IQCK: variants seen among roughly 807,000 people sequenced by gnomAD.
The protein encoded by IQCK is IQ domain-containing protein K.
Under a neutral mutation model 28.1 loss-of-function variants are expected in IQCK, and 29 were observed. That is an observed-to-expected ratio of 1.03 (90% CI 0.77 to 1.41). IQCK has a LOEUF of 1.41. Among genes scored for constraint, IQCK ranks in the 40% most tolerant of loss-of-function variants. The probability of loss-of-function intolerance (pLI) is 0.00; values close to 1 mark genes in which losing one functional copy is unlikely to be tolerated. For missense variants in IQCK, 359 were observed against 314.7 expected (o/e 1.14, Z -1.07); for synonymous variants, 113 against 115.1 (o/e 0.98, Z 0.12).
rs1394381941 is a variant in IQCK at position 19,718,402 on chromosome 16, GTC to G, written c.101_102del (p.Leu34ArgfsTer29). 2 of 1,605,692 alleles carry G rather than the reference GTC, an allele frequency of 1.2e-6. No individual in the cohort carries two copies. Among genetic ancestry groups the G allele is most frequent in the African/African-American group, 2.7e-5 (2 of 74,892 alleles). On this transcript the variant is annotated frameshift_variant, in exon 1 of 8. Transcript: ENST00000564186. LOFTEE classifies it high-confidence loss of function. ...TCACCCGGACGCCGGTGCCCACCGT[GTC>G]TCTCGCGTCCCGCGAGCTGCCTGTC...
At chr16:19,837,967 C>T (rs762280678) in intron 9 of IQCK, among the ~76,000 whole-genome samples, 23 of 151,812 alleles carry the variant, frequency 1.5e-4, no homozygotes, top group African/African-American at 1.7e-4. Flanking sequence ...AGTTCCTGTT[C>T]GACTGTGCAA....
chr16:19,793,643 G>GTTTTTTTTTTT (rs1285541664), intron 7 of IQCK, among the ~76,000 whole-genome samples: 6 of 61,806 alleles, frequency 9.7e-5, no homozygotes, highest in African/African-American at 1.6e-4. Flanking sequence ...TCTCAGTTGG[G>GTTTTTTTTTTT]TTTTTTTTTT....
intron 3 of IQCK, 79 bp from the exon 4 acceptor site, chr16:19,735,274 G>A (rs960747531): frequency 3.1e-6 from 3 of 969,450 alleles, no homozygotes; most frequent in Non-Finnish European, 5.0e-6. Flanking sequence ...CCTTTTTCTG[G>A]CTCAAAAGTA....
intron 4 of IQCK, among the ~76,000 whole-genome samples, chr16:19,740,519 C>T (rs1246924383): frequency 2.0e-5 from 3 of 152,138 alleles, no homozygotes; most frequent in Admixed American, 1.3e-4. Context: ...GAGCACCTCA[C>T]GAGTCACATT....
At chr16:19,774,397 A>ATTT (rs2055361460) in intron 6 of IQCK, among the ~76,000 whole-genome samples, 5 of 120,526 alleles carry the variant, frequency 4.1e-5, no homozygotes, top group Middle Eastern at 4.7e-3. Flanking sequence ...TTTAGCTAAT[A>ATTT]CTTTTTTTTT....
chr16:19,747,466 A>C (rs1215804560), intron 4 of IQCK, among the ~76,000 whole-genome samples: 1 of 151,820 alleles, frequency 6.6e-6, no homozygotes, highest in African/African-American at 2.4e-5. Flanking sequence ...GCCAGCCCAG[A>C]TCCGAAGAGT....
At position 19,837,386 on chromosome 16, in the gene IQCK, A is replaced by AAAAGAC. The variant is rs1252949097; in HGVS notation, c.802+10249_802+10250insAAAGAC. On this transcript the variant is annotated intron_variant, in intron 9 of 9. Transcript: ENST00000320394. The stretch of plus-strand genomic sequence containing the variant: ...GCTGTACTCCAGCATGGGCAACAGA[A>AAAAGAC]TAAGACCCTGTCTCAAAAAAATAAA... Among the ~76,000 whole-genome samples, 7 of 152,242 alleles carry AAAAGAC rather than the reference A, an allele frequency of 4.6e-5. No homozygotes were observed. The East Asian group carries it at 1.4e-3, about 29-fold the overall frequency.
chr16:19,725,449 G>A (rs1977625411), intron 1 of IQCK, among the ~76,000 whole-genome samples: 1 of 152,112 alleles, frequency 6.6e-6, no homozygotes, highest in South Asian at 2.1e-4. Context: ...TGCCCACCTT[G>A]GCTTCCCAAA....
chr16:19,780,925 C>T (rs1260711081), intron 6 of IQCK, among the ~76,000 whole-genome samples: 1 of 152,084 alleles, frequency 6.6e-6, no homozygotes, highest in African/African-American at 2.4e-5. Flanking sequence ...TTGCTGTAAT[C>T]CTATGTATTT....
rs886288828 is a variant in IQCK at position 19,825,791 on chromosome 16, A to G, written c.691-1235A>G. On this transcript the variant is annotated intron_variant, in intron 7 of 7. Coordinates refer to ENST00000564186, the Ensembl canonical transcript of IQCK. The surrounding 1 kb of genome is among the most constrained non-coding windows in gnomAD (Gnocchi z 4.2). ...GAAATTACTATTATTCATCTCTTTA[A>G]TCTCAACGTCTAGCACAAAAGTTGG... is the stretch of plus-strand genomic sequence containing the variant. Among the ~76,000 whole-genome samples, 2 of 152,240 alleles carry G rather than the reference A, an allele frequency of 1.3e-5. No individual in the cohort carries two copies. Among genetic ancestry groups the G allele is most frequent in the Non-Finnish European group, 2.9e-5 (2 of 68,040 alleles).
chr16:19,856,357 A>G (rs1283604873), intron 9 of IQCK, 130 bp from the exon 9 acceptor site: 3 of 693,296 alleles, frequency 4.3e-6, no homozygotes, highest in Non-Finnish European at 7.7e-6. Context: ...GGCCGGAACC[A>G]TGAATAGCAG....
chr16:19,802,818 G>C (rs949003176), intron 7 of IQCK, among the ~76,000 whole-genome samples: 1 of 152,148 alleles, frequency 6.6e-6, no homozygotes, highest in Non-Finnish European at 1.5e-5. Flanking sequence ...CCACGTGTTT[G>C]GGTGTGTGCG....
At chr16:19,828,990 TTAAA>T (rs949540471), downstream of IQCK, among the ~76,000 whole-genome samples, 21 of 144,086 alleles carry the variant, frequency 1.5e-4, no homozygotes, top group Non-Finnish European at 2.7e-4. Context: ...ATATATATAA[TTAAA>T]TATATATAAA....
rs1256342381 is a variant in IQCK, at chr16:19,792,864, C to G, written c.690+3942C>G. On this transcript the variant is annotated intron_variant, in intron 7 of 7. Transcript: ENST00000564186. ...AAAGTGCTGGGATTACAGGCGTGAG[C>G]CACTGCACCCGGCCACACTGAACAC... Among the ~76,000 whole-genome samples the G allele has an allele frequency of 2.6e-5, 3 of 115,298 alleles. 1 individual carries two copies. Among genetic ancestry groups the G allele is most frequent in the Non-Finnish European group, 4.6e-5 (3 of 64,628 alleles). 75.6% of individuals were successfully genotyped at this position (115,298 alleles called of 152,430 possible).
chr16:19,746,153 C>CAAA (rs1163809152), intron 4 of IQCK, among the ~76,000 whole-genome samples: 1 of 57,906 alleles, frequency 1.7e-5, no homozygotes, highest in African/African-American at 5.6e-5. Flanking sequence ...GACTATGTCT[C>CAAA]AAAAAAAAAA....
At chr16:19,812,660 G>A (rs2055922982) in intron 7 of IQCK, among the ~76,000 whole-genome samples, 1 of 151,980 alleles carries the variant, frequency 6.6e-6, no homozygotes, top group Non-Finnish European at 1.5e-5. Flanking sequence ...ATAGTTATGA[G>A]CTCATAATAA....
chr16:19,741,463 A>G (rs1002722926), intron 4 of IQCK, among the ~76,000 whole-genome samples: 2 of 152,206 alleles, frequency 1.3e-5, no homozygotes, highest in Non-Finnish European at 2.9e-5. Flanking sequence ...GCCTGTAAGC[A>G]GTGATAAAAT....
Position 19,765,761 on chromosome 16 carries a change from T to A in IQCK, c.605+1649T>A, listed in dbSNP as rs1597537068. Among the ~76,000 whole-genome samples, 3 of 152,290 alleles carry A rather than the reference T, an allele frequency of 2.0e-5. No homozygotes were observed. The South Asian group carries it at 6.2e-4, about 32-fold the overall frequency. Reference sequence around the variant, plus strand: ...CTTATTTAGCTTTCAAACCTGTGCCTGATTTTATCCGCTATGAAATGTATA... The same window carrying A: ...CTTATTTAGCTTTCAAACCTGTGCCAGATTTTATCCGCTATGAAATGTATA... On this transcript the variant is annotated intron_variant, in intron 6 of 7. Transcript: ENST00000564186.
intron 4 of IQCK, among the ~76,000 whole-genome samples, chr16:19,755,179 G>A (rs1282885936): frequency 6.6e-6 from 1 of 152,206 alleles, no homozygotes; most frequent in Non-Finnish European, 1.5e-5. Context: ...TGGAAAATAC[G>A]TGGGAAAGGA....
Sources: allele counts gnomAD v4.1 joint callset (sites outside exome capture counted in the v4.1 genomes callset), GRCh38; gene constraint gnomAD v4.1.1; non-coding constraint Gnocchi (gnomAD v3.1); transcripts MANE v1.5; gene names NCBI Gene and HGNC (gene_info 2026-07-23, HGNC 2026-07-21).